STPG2: variants seen among roughly 807,000 people sequenced by gnomAD.
STPG2 encodes the protein sperm-tail PG-rich repeat-containing protein 2.
Under a neutral mutation model 54.2 loss-of-function variants are expected in STPG2, and 56 were observed. The ratio of observed to expected loss-of-function variants is 1.03; its 90% confidence interval spans 0.83 to 1.29. The LOEUF (loss-of-function observed/expected upper bound fraction) is 1.29. Ranked by LOEUF, STPG2 falls within the 50% of genes most tolerant of loss-of-function variation. The pLI is 0.00. For missense variants in STPG2, 596 were observed against 544.9 expected, an observed-to-expected ratio of 1.09 and a Z score of -0.93; for synonymous variants, 200 against 181.8, an observed-to-expected ratio of 1.10 and a Z score of -0.81.
chr4:97,565,024 A>C (rs1732386866), intron 10 of STPG2, among the ~76,000 whole-genome samples: 1 of 152,124 alleles, frequency 6.6e-6, no homozygotes, highest in Non-Finnish European at 1.5e-5. Flanking sequence ...TATCCTGCAG[A>C]GTGTTTTCCA....
intron 10 of STPG2, among the ~76,000 whole-genome samples, chr4:97,675,598 A>C (rs773681278): frequency 6.6e-6 from 1 of 151,970 alleles, no homozygotes; most frequent in Non-Finnish European, 1.5e-5. Context: ...TGCCAAGAAT[A>C]AGAGAAGGCT....
At chr4:97,552,989 A>G (rs1181768908) in intron 4 of STPG2, among the ~76,000 whole-genome samples, 1 of 152,186 alleles carries the variant, frequency 6.6e-6, no homozygotes, top group African/African-American at 2.4e-5. Flanking sequence ...TATTAGAGTA[A>G]TAACTTGCAA....
chr4:97,941,418 T>C (rs1292343028), intron 8 of STPG2, among the ~76,000 whole-genome samples: 2 of 152,182 alleles, frequency 1.3e-5, no homozygotes, highest in Non-Finnish European at 2.9e-5. Context: ...CTCAACATTC[T>C]GCTTCTAGAA....
At chr4:97,642,828 G>C (rs1193435148) in intron 10 of STPG2, among the ~76,000 whole-genome samples, 1 of 151,150 alleles carries the variant, frequency 6.6e-6, no homozygotes, top group Admixed American at 6.6e-5. Flanking sequence ...GACTGCAATG[G>C]AATATGTAAA....
At chr4:97,549,457 T>A (rs1158010558) in intron 4 of STPG2, among the ~76,000 whole-genome samples, 1 of 152,116 alleles carries the variant, frequency 6.6e-6, no homozygotes. Context: ...AGATTTGGAG[T>A]GCAAATGCCT....
At chr4:97,710,762 A>C (rs1724088005) in intron 10 of STPG2, among the ~76,000 whole-genome samples, 1 of 152,062 alleles carries the variant, frequency 6.6e-6, no homozygotes, top group Admixed American at 6.6e-5. Flanking sequence ...TTCTTTAAAG[A>C]AGGAAAATTA....
At chr4:97,707,426 T>A (rs1358268747) in intron 10 of STPG2, among the ~76,000 whole-genome samples, 4 of 151,648 alleles carry the variant, frequency 2.6e-5, no homozygotes, top group Admixed American at 6.6e-5. Flanking sequence ...GAGGCTGAGG[T>A]GGGAGAATTA....
chr4:97,659,757 A>G (rs1476079559), intron 10 of STPG2, among the ~76,000 whole-genome samples: 1 of 152,202 alleles, frequency 6.6e-6, no homozygotes, highest in Non-Finnish European at 1.5e-5. Context: ...TTTTTGTTAC[A>G]TAATAAATAG....
chr4:98,046,023 T>C (rs1210453593), intron 5 of STPG2, among the ~76,000 whole-genome samples: 1 of 152,078 alleles, frequency 6.6e-6, no homozygotes, highest in Non-Finnish European at 1.5e-5. Context: ...CATAAGTCCC[T>C]TAAGTGATCT....
chr4:98,104,292 G>T (rs1482474861), intron 5 of STPG2, among the ~76,000 whole-genome samples: 1 of 151,988 alleles, frequency 6.6e-6, no homozygotes, highest in African/African-American at 2.4e-5. Flanking sequence ...TTCCCTCATT[G>T]CCTGAAAATT....
intron 5 of STPG2, among the ~76,000 whole-genome samples, chr4:98,012,754 C>G (rs1735798583): frequency 6.6e-6 from 1 of 152,088 alleles, no homozygotes. Flanking sequence ...CTCTGCCTAT[C>G]TATTGTTGGT....
intron 10 of STPG2, among the ~76,000 whole-genome samples, chr4:97,692,741 T>C (rs1473093325): frequency 6.6e-6 from 1 of 152,140 alleles, no homozygotes; most frequent in Non-Finnish European, 1.5e-5. Context: ...AGGCACATAG[T>C]TCATCAGGTT....
At chr4:97,740,431 T>G (rs1725184616) in intron 9 of STPG2, among the ~76,000 whole-genome samples, 1 of 152,140 alleles carries the variant, frequency 6.6e-6, no homozygotes, top group Non-Finnish European at 1.5e-5. Flanking sequence ...TGTCCCTGTT[T>G]GCAGATGACA....
At chr4:97,999,377 G>C (rs557424082) in intron 5 of STPG2, among the ~76,000 whole-genome samples, 121 of 152,268 alleles carry the variant, frequency 7.9e-4, no homozygotes, top group African/African-American at 2.8e-3. Context: ...CCTGGCTAAT[G>C]AATGTAAGCA....
chr4:98,141,476 G>C (rs1412325889), intron 1 of STPG2, among the ~76,000 whole-genome samples: 1 of 151,822 alleles, frequency 6.6e-6, no homozygotes, highest in Non-Finnish European at 1.5e-5. Flanking sequence ...CCACAATCCT[G>C]TATCTTAACC....
intron 9 of STPG2, among the ~76,000 whole-genome samples, chr4:97,725,336 A>G (rs1195469536): frequency 6.6e-6 from 1 of 151,982 alleles, no homozygotes; most frequent in African/African-American, 2.4e-5. Flanking sequence ...CTAGATAAAT[A>G]TTTAGTCTTT....
At chr4:97,574,435 C>T (rs551585851) in intron 10 of STPG2, among the ~76,000 whole-genome samples, 18 of 140,456 alleles carry the variant, frequency 1.3e-4, no homozygotes, top group Non-Finnish European at 2.4e-4. Flanking sequence ...TCTTTATAGA[C>T]AGTTGTAAAA....
chr4:97,627,995 G>A (rs111608626), intron 10 of STPG2, among the ~76,000 whole-genome samples: 8 of 152,174 alleles, frequency 5.3e-5, no homozygotes, highest in South Asian at 2.1e-4. Context: ...AATGAGACCC[G>A]CCCACATTGG....
intron 10 of STPG2, among the ~76,000 whole-genome samples, chr4:97,634,852 A>C (rs1259239575): frequency 1.3e-5 from 2 of 150,296 alleles, no homozygotes; most frequent in Non-Finnish European, 3.0e-5. Context: ...AAAAGACCAA[A>C]TCTACGTCTG....
Sources: allele counts gnomAD v4.1 joint callset (sites outside exome capture counted in the v4.1 genomes callset), GRCh38; gene constraint gnomAD v4.1.1; transcripts MANE v1.5; gene names NCBI Gene and HGNC (gene_info 2026-07-23, HGNC 2026-07-21).